The following PIP4P2 variants were observed in gnomAD, a reference collection of about 807,000 sequenced individuals.
PIP4P2 encodes the protein phosphatidylinositol-4,5-bisphosphate 4-phosphatase 2.
A neutral mutation model predicts 33.3 loss-of-function variants in PIP4P2; 19 were observed. That is an observed-to-expected ratio of 0.57 (90% CI 0.40 to 0.84). The LOEUF (loss-of-function observed/expected upper bound fraction) is 0.84, where lower values mean the gene tolerates loss of function less well. Among genes scored for constraint, PIP4P2 ranks in the 40% least tolerant of loss-of-function variants. The probability of loss-of-function intolerance (pLI) is 0.00; values close to 1 mark genes in which losing one functional copy is unlikely to be tolerated. For missense variants in PIP4P2, 270 were observed against 324.7 expected, an observed-to-expected ratio of 0.83 and a Z score of 1.29; for synonymous variants, 110 against 111.9, an observed-to-expected ratio of 0.98 and a Z score of 0.11.
In PIP4P2 at chr8:91,021,245, T is replaced by C. The variant is rs746854849; in HGVS notation, c.255+11A>G. 1.2e-6 allele frequency: 2 copies of C among 1,611,818 alleles called. No individual in the cohort carries two copies. The highest frequency in any genetic ancestry group is 1.7e-6 in the Non-Finnish European group (2 of 1,178,692). ...CAATTTATATTTTTTCTAATGGAAA[T>C]CTCCACTTACCGTAGCTTCATTGCA... On this transcript the variant is annotated intron_variant, in intron 2 of 6. Transcript: ENST00000285419.
intron 5 of PIP4P2, among the ~76,000 whole-genome samples, chr8:91,007,143 G>A (rs1210946844): frequency 6.6e-6 from 1 of 152,074 alleles, no homozygotes; most frequent in Non-Finnish European, 1.5e-5. Context: ...GGGAGTATAG[G>A]TGTGTTCCTC....
intron 1 of PIP4P2, chr8:91,024,238 A>T: frequency 2.5e-6 from 1 of 399,870 alleles, no homozygotes; most frequent in African/African-American, 2.1e-5. Flanking sequence ...AAACTGATTT[A>T]GACAGATTAT....
At chr8:91,031,865 T>C (rs1812168583) in intron 1 of PIP4P2, among the ~76,000 whole-genome samples, 1 of 152,204 alleles carries the variant, frequency 6.6e-6, no homozygotes, top group Non-Finnish European at 1.5e-5. Flanking sequence ...TTTATAGATA[T>C]ATTTTCCTAA....
At chr8:90,998,877 A>G (rs966764849) in intron 5 of PIP4P2, among the ~76,000 whole-genome samples, 3 of 152,114 alleles carry the variant, frequency 2.0e-5, no homozygotes, top group Non-Finnish European at 4.4e-5. Context: ...AGATTTCATG[A>G]TGATGACACC....
intron 5 of PIP4P2, among the ~76,000 whole-genome samples, chr8:90,999,435 T>A (rs1181272084): frequency 6.6e-6 from 1 of 152,078 alleles, no homozygotes; most frequent in African/African-American, 2.4e-5. Flanking sequence ...TCTACACAGG[T>A]AACAACATTC....
intron 1 of PIP4P2, among the ~76,000 whole-genome samples, chr8:91,029,527 C>A (rs1812129836): frequency 6.6e-6 from 1 of 152,170 alleles, no homozygotes; most frequent in Non-Finnish European, 1.5e-5. Context: ...TTCATCATCA[C>A]CATCATGACA....
At chr8:91,001,140 A>C (rs1407804115) in intron 5 of PIP4P2, among the ~76,000 whole-genome samples, 1 of 152,122 alleles carries the variant, frequency 6.6e-6, no homozygotes, top group East Asian at 1.9e-4. Context: ...ACACATAAAA[A>C]TACCATGTAC....
At chr8:90,999,922 A>T (rs1811679915) in intron 5 of PIP4P2, among the ~76,000 whole-genome samples, 1 of 151,896 alleles carries the variant, frequency 6.6e-6, no homozygotes, top group Non-Finnish European at 1.5e-5. Context: ...ACTATTTCTG[A>T]CACCTTATTT....
chr8:91,022,354 A>G (rs1345472726), intron 1 of PIP4P2, among the ~76,000 whole-genome samples: 1 of 152,166 alleles, frequency 6.6e-6, no homozygotes, highest in Non-Finnish European at 1.5e-5. Context: ...TTTCAAAATC[A>G]AGTATCTACC....
intron 3 of PIP4P2, among the ~76,000 whole-genome samples, chr8:91,019,902 A>C (rs563141813): frequency 6.6e-6 from 1 of 152,296 alleles, no homozygotes; most frequent in Non-Finnish European, 1.5e-5. Context: ...TCATTGATTT[A>C]TTACAGTGCA....
intron 1 of PIP4P2, among the ~76,000 whole-genome samples, chr8:91,021,766 T>C (rs575752109): frequency 1.5e-3 from 227 of 152,298 alleles, no homozygotes; most frequent in African/African-American, 5.3e-3. Flanking sequence ...ACACAAGTGA[T>C]CTGATTCCCA....
chr8:91,000,785 AG>A (rs1413039976), intron 5 of PIP4P2, among the ~76,000 whole-genome samples: 1 of 151,990 alleles, frequency 6.6e-6, no homozygotes, highest in Non-Finnish European at 1.5e-5. Flanking sequence ...TATCTTTCAT[AG>A]ATCTGAAAAT....
Position 91,040,783 on chromosome 8 carries a change from G to C in PIP4P2, c.-34C>G, listed in dbSNP as rs1368111035. On this transcript the variant is annotated 5_prime_UTR_variant, in exon 1 of 7. Transcript: ENST00000285419. ...CAGCGGCGGGGCCTGGGGAGGCCGA[G>C]CCGGGGTTGCGGCCTCGGCGGAGTG... 1.3e-6 allele frequency: 2 copies of C among 1,599,034 alleles called. No homozygotes were observed. Among genetic ancestry groups the C allele is most frequent in the South Asian group, 1.1e-5 (1 of 90,604 alleles).
intron 1 of PIP4P2, among the ~76,000 whole-genome samples, chr8:91,036,558 T>C (rs1451434656): frequency 6.6e-6 from 1 of 152,140 alleles, no homozygotes; most frequent in African/African-American, 2.4e-5. Context: ...TCTCTCCATC[T>C]CTACCACCAC....
chr8:91,021,241 G>A lies in PIP4P2; in HGVS notation c.255+15C>T. 1 of 1,609,744 alleles carries A rather than the reference G, an allele frequency of 6.2e-7. No individual in the cohort carries two copies. Among genetic ancestry groups the A allele is most frequent in the East Asian group, 2.2e-5 (1 of 44,834 alleles). ...ATAACAATTTATATTTTTTCTAATGGAAATCTCCACTTACCGTAGCTTCAT... is the reference window on the plus strand; with the variant it reads ...ATAACAATTTATATTTTTTCTAATGAAAATCTCCACTTACCGTAGCTTCAT... On this transcript the variant is annotated intron_variant, in intron 2 of 6. Coordinates refer to ENST00000285419, the MANE Select transcript of PIP4P2 (RefSeq NM_018710.3).
chr8:91,008,743 A>AT lies in PIP4P2; in HGVS notation c.538dup (p.Ile180AsnfsTer6). The AT allele has an allele frequency of 2.5e-6, 4 of 1,609,352 alleles. No individual in the cohort carries two copies. The highest frequency in any genetic ancestry group is 2.5e-6 in the Non-Finnish European group (3 of 1,176,586). The stretch of plus-strand genomic sequence containing the variant: ...ATATTTCCAATGGTAGGGAACTTAC[A>AT]TTTTTTTGCAGTGTGGGCATTTTGC... On this transcript the variant is annotated frameshift_variant and splice_region_variant, in exon 5 of 7. Coordinates refer to ENST00000285419, the MANE Select transcript of PIP4P2 (RefSeq NM_018710.3). LOFTEE classifies it high-confidence loss of function.
intron 1 of PIP4P2, among the ~76,000 whole-genome samples, chr8:91,034,128 C>A (rs1812205584): frequency 1.3e-5 from 2 of 152,104 alleles, no homozygotes. Flanking sequence ...TTACTCTCCA[C>A]CCTCACAGGT....
intron 1 of PIP4P2, among the ~76,000 whole-genome samples, chr8:91,038,511 GTATT>G (rs1030312531): frequency 1.3e-5 from 2 of 152,100 alleles, no homozygotes; most frequent in Admixed American, 6.6e-5. Flanking sequence ...ATTCAGCCAT[GTATT>G]TATTTATTCT....
At chr8:90,996,621 G>A in intron 6 of PIP4P2, 33 bp downstream of exon 6, 1 of 1,561,386 alleles carries the variant, frequency 6.4e-7, no homozygotes, top group South Asian at 1.2e-5. Flanking sequence ...AAGTTGAGAG[G>A]ACAGAATTCT....
Sources: gnomAD v4.1 joint callset for allele counts (sites outside exome capture counted in the v4.1 genomes callset) on GRCh38, gnomAD v4.1.1 for gene constraint, MANE v1.5 for transcripts, NCBI Gene and HGNC (gene_info 2026-07-23, HGNC 2026-07-21) for gene names.